The following U2SURP variants were observed in gnomAD, a reference collection of about 807,000 sequenced individuals.
U2SURP encodes U2 snRNP-associated SURP motif-containing protein.
A neutral mutation model predicts 144.9 loss-of-function variants in U2SURP; 9 were observed. That is an observed-to-expected ratio of 0.06 (90% confidence interval 0.04 to 0.11). U2SURP has a LOEUF of 0.11. Among genes scored for constraint, U2SURP ranks in the 10% least tolerant of loss-of-function variants. U2SURP has a pLI of 1.00. For synonymous variants in U2SURP, 408 were observed against 396.8 expected, an observed-to-expected ratio of 1.03 and a Z score of -0.33; for missense variants, 724 against 1,226.7, an observed-to-expected ratio of 0.59 and a Z score of 6.12.
chr3:143,035,454 C>G (rs4683444), intron 19 of U2SURP, among the ~76,000 whole-genome samples: 3 of 151,980 alleles, frequency 2.0e-5, no homozygotes, highest in African/African-American at 7.2e-5. Context: ...TTTTTAGTTT[C>G]GGAAGATGCC....
At chr3:143,019,594 T>A (rs1936536546) in intron 6 of U2SURP, among the ~76,000 whole-genome samples, 1 of 152,224 alleles carries the variant, frequency 6.6e-6, no homozygotes, top group African/African-American at 2.4e-5. Flanking sequence ...CAAAAGTAGA[T>A]TAAGAAGCAG....
At chr3:143,015,414 C>T (rs1183481977) in intron 4 of U2SURP, among the ~76,000 whole-genome samples, 3 of 136,278 alleles carry the variant, frequency 2.2e-5, no homozygotes, top group Non-Finnish European at 4.7e-5. Flanking sequence ...TCAGTCTTTC[C>T]CTATGATTTC....
Position 143,034,930 on chromosome 3 carries a change from C to T in U2SURP, c.1896C>T (p.Ala632=), listed in dbSNP as rs199769158. The change falls in exon 19 of 28, where the codon GCC becomes GCT. Residue 632 remains alanine, a synonymous_variant. Coordinates refer to ENST00000473835, the MANE Select transcript of U2SURP (RefSeq NM_001080415.2). ...GTCAGATATTTTCAGACCTCAATGC[C>T]ACCTATCGTACAATTCAAGGCCATT... ...KLCQIFSDLN[A]TYRTIQGHLQ... is the part of the protein sequence containing the mutation. The T allele has an allele frequency of 6.3e-7, 1 of 1,597,364 alleles. No homozygotes were observed. The highest frequency in any genetic ancestry group is 8.5e-7 in the Non-Finnish European group (1 of 1,171,248).
At chr3:143,052,586 G>A (rs1934942532) in intron 25 of U2SURP, among the ~76,000 whole-genome samples, 1 of 152,178 alleles carries the variant, frequency 6.6e-6, no homozygotes, top group Non-Finnish European at 1.5e-5. Flanking sequence ...TTAGAACACA[G>A]CCATGCACCT....
intron 1 of U2SURP, among the ~76,000 whole-genome samples, chr3:143,006,760 C>T (rs753693105): frequency 6.6e-6 from 1 of 152,154 alleles, no homozygotes; most frequent in Admixed American, 6.6e-5. Context: ...AGAATGTACC[C>T]ATCTTTGAGG....
Position 143,001,592 on chromosome 3 carries a change from T to A in U2SURP, c.-37T>A, listed in dbSNP as rs760165421. ...GCTCTTTCGGTGCTCGACTCGCCCG[T>A]GCTGCTGCCGCCGCCGAAGGAGGGG... On this transcript the variant is annotated 5_prime_UTR_variant, in exon 1 of 28. Transcript: ENST00000473835. The A allele has an allele frequency of 4.3e-6, 7 of 1,612,694 alleles. No individual in the cohort carries two copies. Among genetic ancestry groups the A allele is most frequent in the Non-Finnish European group, 5.9e-6 (7 of 1,179,548 alleles).
At chr3:143,005,541 G>A (rs1399301120) in intron 1 of U2SURP, among the ~76,000 whole-genome samples, 1 of 152,142 alleles carries the variant, frequency 6.6e-6, no homozygotes, top group East Asian at 1.9e-4. Flanking sequence ...GTTTTGGTCT[G>A]GAAGGTAGAA....
Position 143,022,860 on chromosome 3 carries a change from G to T in U2SURP, c.1026G>T (p.Met342Ile). 4 of 1,567,888 alleles carry T rather than the reference G, an allele frequency of 2.6e-6. No homozygotes were observed. Among genetic ancestry groups the T allele is most frequent in the Admixed American group, 2.0e-5 (1 of 49,182 alleles). ...TTCATTTCTTTCTTGTAGGAAAAAT[G>T]ATTATGTCTTTTGAAATGAAGTTAG... is the stretch of plus-strand genomic sequence containing the variant. Reference protein sequence around the residue: ...ERALKNLNGKMIMSFEMKLGW... With the variant: ...ERALKNLNGKIIMSFEMKLGW... The change falls in exon 12 of 28, where the codon ATG becomes ATT. Residue 342 changes from methionine to isoleucine, a missense_variant. Physicochemically the swap from Met to Ile is conservative, Grantham distance 10. Around this residue, in one of 13 missense-constraint regions of U2SURP, gnomAD observed 16 missense variants for 18.0 expected, o/e 0.89. Coordinates refer to ENST00000473835, the MANE Select transcript of U2SURP (RefSeq NM_001080415.2).
intron 1 of U2SURP, chr3:143,002,116 C>T: frequency 8.4e-6 from 2 of 239,098 alleles, no homozygotes; most frequent in South Asian, 8.5e-5. Context: ...CTCAGTTTCC[C>T]TCCAAGGAAT....
chr3:143,047,640 G>C (rs113302630), intron 24 of U2SURP, among the ~76,000 whole-genome samples: 2,911 of 17,966 alleles, frequency 0.16, 879 homozygotes, highest in African/African-American at 0.57. Flanking sequence ...CCCCCCTCCC[G>C]CCTCCCGGAC....
intron 7 of U2SURP, 45 bp downstream of exon 7, chr3:143,020,081 C>G: frequency 8.2e-7 from 1 of 1,219,322 alleles, no homozygotes; most frequent in Non-Finnish European, 1.1e-6. Flanking sequence ...GTGTATTGAG[C>G]TGATACATAA....
intron 1 of U2SURP, among the ~76,000 whole-genome samples, chr3:143,002,006 C>G (rs1185586669): frequency 4.6e-5 from 7 of 152,362 alleles, no homozygotes; most frequent in Admixed American, 3.3e-4. Context: ...CGCCCTGAGG[C>G]CGCCAGACAG....
intron 24 of U2SURP, among the ~76,000 whole-genome samples, chr3:143,047,058 A>T (rs1178350739): frequency 1.2e-4 from 12 of 97,080 alleles, no homozygotes; most frequent in African/African-American, 1.4e-4. Flanking sequence ...TGACCCCCCC[A>T]CCTCCCTCCC....
rs1035977001 is a variant in U2SURP at position 143,056,660 on chromosome 3, C to T, written c.*210C>T. ...TAAATTACTTTCATTGTGGCTATTT[C>T]TCAAGATGAAATTTTTATTGTTCTA... On this transcript the variant is annotated 3_prime_UTR_variant, in exon 28 of 28. Coordinates refer to ENST00000473835, the MANE Select transcript of U2SURP (RefSeq NM_001080415.2). 23 of 500,900 alleles carry T rather than the reference C, an allele frequency of 4.6e-5. No individual in the cohort carries two copies. The highest frequency in any genetic ancestry group is 1.0e-4 in the Admixed American group (3 of 29,106). The allele number at this position is 500,900 out of a possible 1,614,324, so 31.0% of individuals were successfully genotyped here. A position where few individuals can be genotyped will look rare whatever the true frequency, so the allele number is the denominator to read the frequency against.
intron 1 of U2SURP, among the ~76,000 whole-genome samples, chr3:143,009,647 C>G (rs1452356330): frequency 1.3e-5 from 2 of 151,844 alleles, no homozygotes; most frequent in Admixed American, 6.6e-5. Context: ...GGTCCCAGTG[C>G]TTGGTTGTCC....
At chr3:143,044,059 C>T (rs893892308) in intron 24 of U2SURP, among the ~76,000 whole-genome samples, 3 of 151,916 alleles carry the variant, frequency 2.0e-5, no homozygotes, top group Non-Finnish European at 4.4e-5. Flanking sequence ...GGCAAGAAAT[C>T]CATTTCATCT....
Position 143,032,816 on chromosome 3 carries a change from G to C in U2SURP, c.1643G>C (p.Gly548Ala), listed in dbSNP as rs1014975240. Residue 548 changes from glycine to alanine, a missense_variant, in exon 17 of 28, where the codon GGA becomes GCA. Physicochemically the swap from Gly to Ala is moderately conservative, Grantham distance 60. Around this residue, in one of 13 missense-constraint regions of U2SURP, gnomAD observed 66 missense variants for 95.0 expected, o/e 0.69. Transcript: ENST00000473835. ...QRDKLEEILR[G>A]LTPRKNDIGD... The stretch of plus-strand genomic sequence containing the variant: ...GATAAATTGGAAGAAATCTTGCGGG[G>C]ATTAACTCCAAGGAAAAATGATATT... The C allele has an allele frequency of 1.2e-6, 2 of 1,613,152 alleles. No homozygotes were observed. The highest frequency in any genetic ancestry group is 2.7e-5 in the African/African-American group (2 of 74,890).
intron 24 of U2SURP, among the ~76,000 whole-genome samples, chr3:143,045,124 A>C (rs1395859445): frequency 6.6e-6 from 1 of 152,110 alleles, no homozygotes; most frequent in African/African-American, 2.4e-5. Context: ...TAATCCCAGC[A>C]CTTTGGGAGG....
rs533424829 is a variant in U2SURP, at chr3:143,011,131, T to C, written c.90+272T>C. Among the ~76,000 whole-genome samples, 25 of 152,300 alleles carry C rather than the reference T, an allele frequency of 1.6e-4. No homozygotes were observed. In the South Asian group the frequency reaches 2.7e-3, roughly 16 times the overall value. ...TACATACATAACGTATCTATACTTATACTTTGACTATGGGATTGCATTATG... is the reference window on the plus strand; with the variant it reads ...TACATACATAACGTATCTATACTTACACTTTGACTATGGGATTGCATTATG... On this transcript the variant is annotated intron_variant, in intron 2 of 27. Transcript: ENST00000473835.
Sources: gnomAD v4.1 joint callset for allele counts (sites outside exome capture counted in the v4.1 genomes callset) on GRCh38, gnomAD v4.1.1 for gene constraint, gnomAD v4.1.1 regional missense constraint, MANE v1.5 for transcripts, NCBI Gene and HGNC (gene_info 2026-07-23, HGNC 2026-07-21) for gene names.